CNTNAP2: variants seen among roughly 807,000 people sequenced by gnomAD.
The protein encoded by CNTNAP2 is contactin-associated protein-like 2.
A neutral mutation model predicts 155.2 loss-of-function variants in CNTNAP2; 98 were observed. The observed-to-expected ratio is 0.63, with a 90% CI of 0.54 to 0.75. CNTNAP2 has a LOEUF of 0.75. Ranked by LOEUF, CNTNAP2 falls within the 30% of genes least tolerant of loss-of-function variation. The probability of loss-of-function intolerance (pLI) is 0.00; values close to 1 mark genes in which losing one functional copy is unlikely to be tolerated. For synonymous variants in CNTNAP2, 651 were observed against 631.2 expected, an observed-to-expected ratio of 1.03 and a Z score of -0.47; for missense variants, 1,727 against 1,688.1, an observed-to-expected ratio of 1.02 and a Z score of -0.40.
At chr7:146,989,632 A>G (rs565880294) in intron 3 of CNTNAP2, among the ~76,000 whole-genome samples, 13 of 152,082 alleles carry the variant, frequency 8.5e-5, no homozygotes, top group East Asian at 1.9e-4. Context: ...CCAACCACCA[A>G]TCTAGGTTAG....
rs187841839 is a variant in CNTNAP2, at chr7:146,789,983, C to T, written c.208+15602C>T. ...CAATATCCCATTGTATGATCATTAT[C>T]AATCACTAAATGCTTTCTTCCCTTT... On this transcript the variant is annotated intron_variant, in intron 2 of 23. Transcript: ENST00000361727. 5.9e-5 allele frequency among the ~76,000 whole-genome samples: 9 copies of T among 151,762 alleles called. No homozygotes were observed. The East Asian group carries it at 1.7e-3, about 29-fold the overall frequency.
At chr7:147,098,126 GT>G (rs1395734173) in intron 4 of CNTNAP2, among the ~76,000 whole-genome samples, 10 of 152,152 alleles carry the variant, frequency 6.6e-5, no homozygotes, top group Non-Finnish European at 1.5e-4. Flanking sequence ...CTGGGTCTTT[GT>G]TCTCTCTGTT....
In CNTNAP2 at chr7:146,849,486, A is replaced by G. The variant is rs775665505; in HGVS notation, c.402+9582A>G. 4.2e-4 allele frequency among the ~76,000 whole-genome samples: 64 copies of G among 152,322 alleles called. 2 individuals carry two copies. The highest frequency in any genetic ancestry group is 1.0e-4 in the Non-Finnish European group (7 of 68,034). On this transcript the variant is annotated intron_variant, in intron 3 of 23. Transcript: ENST00000361727. ...GAAAATACTATTGAATACATACACG[A>G]TATTTATAGAACAAGATAGCATGGG...
chr7:147,850,315 C>G (rs577226988), intron 13 of CNTNAP2, among the ~76,000 whole-genome samples: 15 of 152,224 alleles, frequency 9.9e-5, no homozygotes, highest in African/African-American at 3.6e-4. Context: ...TAGGAAGAAT[C>G]AATATCGTGA....
intron 14 of CNTNAP2, among the ~76,000 whole-genome samples, chr7:147,975,327 G>A (rs567343044): frequency 2.3e-4 from 35 of 152,048 alleles, no homozygotes; most frequent in African/African-American, 8.4e-4. Context: ...GGGCATGGGG[G>A]GTGCTTCTAG....
chr7:148,147,580 T>A lies in CNTNAP2; in HGVS notation c.2644T>A (p.Trp882Arg). The A allele has an allele frequency of 6.2e-7, 1 of 1,614,086 alleles. No individual in the cohort carries two copies. The highest frequency in any genetic ancestry group is 8.5e-7 in the Non-Finnish European group (1 of 1,180,014). Reference protein sequence around the residue: ...RSPTPLNDDQWHRVTAERNVK... With the variant: ...RSPTPLNDDQRHRVTAERNVK... ...ACCAACCCCTCTCAACGATGACCAG[T>A]GGCACCGGGTCACTGCAGAGAGGAA... The change falls in exon 17 of 24, where the codon TGG becomes AGG. Residue 882 changes from tryptophan (W) to arginine (R), a missense_variant. Transcript: ENST00000361727.
intron 14 of CNTNAP2, among the ~76,000 whole-genome samples, chr7:147,958,267 T>C (rs1411876446): frequency 6.6e-6 from 1 of 152,182 alleles, no homozygotes; most frequent in African/African-American, 2.4e-5. Context: ...CACCAAAAAA[T>C]GAATACTTAC....
chr7:146,151,067 A>G lies in CNTNAP2; in HGVS notation c.97+34094A>G, dbSNP rs116568504. Among the ~76,000 whole-genome samples the G allele has an allele frequency of 5.2e-3, 797 of 152,136 alleles. 5 individuals are homozygous for G. Among genetic ancestry groups the G allele is most frequent in the African/African-American group, 0.018 (754 of 41,520 alleles). On this transcript the variant is annotated intron_variant, in intron 1 of 23. Transcript: ENST00000361727. ...AGAAGTGTGTGAGAGTGCAGGAAAA[A>G]TCTACCATTTGTAAAACCATCACAT...
At chr7:147,071,078 G>C (rs115161008) in intron 4 of CNTNAP2, among the ~76,000 whole-genome samples, 3,865 of 151,978 alleles carry the variant, frequency 0.025, 128 homozygotes, top group African/African-American at 0.08. Flanking sequence ...ACTTCTTCCA[G>C]CTGTTTCACC....
intron 13 of CNTNAP2, among the ~76,000 whole-genome samples, chr7:147,742,009 C>G (rs558448380): frequency 6.6e-6 from 1 of 152,180 alleles, no homozygotes; most frequent in Non-Finnish European, 1.5e-5. Flanking sequence ...CAAGTCACAT[C>G]TTACATGGAT....
At chr7:146,315,458 A>T (rs1045999711) in intron 1 of CNTNAP2, among the ~76,000 whole-genome samples, 5 of 152,056 alleles carry the variant, frequency 3.3e-5, no homozygotes, top group Non-Finnish European at 5.9e-5. Context: ...GCCTGAGTGT[A>T]TCTCCACTTT....
intron 3 of CNTNAP2, among the ~76,000 whole-genome samples, chr7:146,918,031 A>G (rs552299494): frequency 1.7e-3 from 260 of 152,278 alleles, no homozygotes; most frequent in Non-Finnish European, 2.5e-3. Context: ...CATTTGCATG[A>G]AATACCTTTT....
At chr7:146,698,648 T>C (rs1800823199) in intron 1 of CNTNAP2, among the ~76,000 whole-genome samples, 1 of 152,116 alleles carries the variant, frequency 6.6e-6, no homozygotes, top group Non-Finnish European at 1.5e-5. Context: ...AGAACTGTGA[T>C]TTGTTGTCTG....
intron 13 of CNTNAP2, among the ~76,000 whole-genome samples, chr7:147,658,809 CTT>C (rs1795570150): frequency 6.6e-6 from 1 of 152,150 alleles, no homozygotes; most frequent in Non-Finnish European, 1.5e-5. Flanking sequence ...CCCACTGACC[CTT>C]TGTTTTTTCT....
chr7:146,496,914 T>C (rs1160736227), intron 1 of CNTNAP2, among the ~76,000 whole-genome samples: 1 of 152,236 alleles, frequency 6.6e-6, no homozygotes, highest in African/African-American at 2.4e-5. Flanking sequence ...TCTTGAGTTA[T>C]AGTTAACCTA....
intron 1 of CNTNAP2, among the ~76,000 whole-genome samples, chr7:146,147,685 A>T (rs113436775): frequency 0.015 from 2,328 of 152,190 alleles, 51 homozygotes; most frequent in African/African-American, 0.052. Flanking sequence ...TCTAAGGAGG[A>T]TTTAGAATAG....
intron 1 of CNTNAP2, among the ~76,000 whole-genome samples, chr7:146,369,050 T>TATATATATAC (rs1286983889): frequency 0.015 from 2,096 of 139,140 alleles, 42 homozygotes; most frequent in African/African-American, 0.041. Flanking sequence ...TATATATATA[T>TATATATATAC]ACATATATAT....
chr7:148,009,258 A>C (rs1345892523), intron 15 of CNTNAP2, among the ~76,000 whole-genome samples: 1 of 152,228 alleles, frequency 6.6e-6, no homozygotes. Flanking sequence ...TTGTAATAAA[A>C]TATTGAATAT....
chr7:146,819,042 A>G (rs1409680539), intron 2 of CNTNAP2, among the ~76,000 whole-genome samples: 1 of 152,142 alleles, frequency 6.6e-6, no homozygotes, highest in Non-Finnish European at 1.5e-5. Context: ...TAATCAATGT[A>G]TATTCAGATT....
Sources: gnomAD v4.1 joint callset for allele counts (sites outside exome capture counted in the v4.1 genomes callset) on GRCh38, gnomAD v4.1.1 for gene constraint, MANE v1.5 for transcripts, NCBI Gene and HGNC (gene_info 2026-07-23, HGNC 2026-07-21) for gene names.